NIPBL: variants seen among roughly 807,000 people sequenced by gnomAD.
The protein encoded by NIPBL is nipped-B-like protein.
In NIPBL, 19 loss-of-function variants were observed where a neutral mutation model predicts 321.8. The ratio of observed to expected loss-of-function variants is 0.06; its 90% CI spans 0.04 to 0.09. The LOEUF is 0.09. NIPBL is among the 10% of genes least tolerant of loss of function. The pLI is 1.00. For missense variants in NIPBL, 2,210 were observed against 3,327.0 expected (o/e 0.66, Z 8.26); for synonymous variants, 1,106 against 1,114.1 (o/e 0.99, Z 0.14).
intron 1 of NIPBL, among the ~76,000 whole-genome samples, chr5:36,904,875 C>G (rs1308577902): frequency 6.6e-6 from 1 of 152,172 alleles, no homozygotes; most frequent in Non-Finnish European, 1.5e-5. Flanking sequence ...GTAACCTAAT[C>G]TCAGAAGTGA....
At chr5:37,018,717 C>T (rs1749276602) in intron 24 of NIPBL, among the ~76,000 whole-genome samples, 1 of 152,176 alleles carries the variant, frequency 6.6e-6, no homozygotes, top group Admixed American at 6.5e-5. Flanking sequence ...GCTCTCAACA[C>T]ATATTTCCAA....
chr5:37,037,775 C>T (rs1751876961), intron 33 of NIPBL, among the ~76,000 whole-genome samples: 1 of 151,232 alleles, frequency 6.6e-6, no homozygotes. Context: ...AAATTTGTTT[C>T]CTAAGAACCA....
chr5:36,967,511 C>T (rs1725665947), intron 6 of NIPBL, among the ~76,000 whole-genome samples: 2 of 152,018 alleles, frequency 1.3e-5, no homozygotes, highest in African/African-American at 4.8e-5. Context: ...AACAGCAACA[C>T]TTTCTTAACT....
At chr5:36,927,925 A>T (rs1291657953) in intron 1 of NIPBL, among the ~76,000 whole-genome samples, 3 of 152,034 alleles carry the variant, frequency 2.0e-5, no homozygotes, top group Admixed American at 2.0e-4. Flanking sequence ...GCCTCAGGTG[A>T]TCCACCTGCC....
chr5:36,915,820 T>A (rs1318642269), intron 1 of NIPBL, among the ~76,000 whole-genome samples: 1 of 152,156 alleles, frequency 6.6e-6, no homozygotes, highest in African/African-American at 2.4e-5. Context: ...TGACTTCATC[T>A]TTTGTGAAAG....
chr5:36,982,215 G>T lies in NIPBL; in HGVS notation c.1496-2461G>T, dbSNP rs377006011. 20 of 981,506 alleles carry T rather than the reference G, an allele frequency of 2.0e-5. No individual in the cohort carries two copies. The African/African-American group carries it at 3.1e-4, about 15-fold the overall frequency. The allele number at this position is 981,506 out of a possible 1,614,324, so 60.8% of individuals were successfully genotyped here. A position where few individuals can be genotyped will look rare whatever the true frequency, so the allele number is the denominator to read the frequency against. The stretch of plus-strand genomic sequence containing the variant: ...CTTATGGTTCCCAGTGCTGAAGAGG[G>T]CTTACAGGTAATCACTGTCCTAAAT... On this transcript the variant is annotated intron_variant, in intron 9 of 46. Coordinates refer to ENST00000282516, the MANE Select transcript of NIPBL (RefSeq NM_133433.4).
intron 8 of NIPBL, 71 bp from the exon 9 acceptor site, chr5:36,975,705 A>G: frequency 7.2e-7 from 1 of 1,386,032 alleles, no homozygotes. Context: ...GTCACTTATT[A>G]ATATTTCTAT....
In NIPBL at chr5:37,052,659, T is replaced by C. The variant is rs571526481; in HGVS notation, c.7263+93T>C. On this transcript the variant is annotated intron_variant, in intron 42 of 46. Transcript: ENST00000282516. ...TTTTTAAATATTACCATTTTATTAGTATATGATAGTAACTTCATTAAGTGT... is the reference window on the plus strand; with the variant it reads ...TTTTTAAATATTACCATTTTATTAGCATATGATAGTAACTTCATTAAGTGT... 2.8e-5 allele frequency: 25 copies of C among 900,872 alleles called. 1 individual carries two copies. The highest frequency in any genetic ancestry group is 2.4e-4 in the South Asian group (16 of 67,346). The allele number at this position is 900,872 out of a possible 1,614,324, so 55.8% of individuals were successfully genotyped here. A position where few individuals can be genotyped will look rare whatever the true frequency, so the allele number is the denominator to read the frequency against.
At chr5:37,030,012 T>G (rs1750778612) in intron 32 of NIPBL, among the ~76,000 whole-genome samples, 1 of 152,194 alleles carries the variant, frequency 6.6e-6, no homozygotes, top group African/African-American at 2.4e-5. Flanking sequence ...ATCATATATT[T>G]CATTTGATAG....
chr5:36,901,613 G>T (rs879540517), intron 1 of NIPBL, among the ~76,000 whole-genome samples: 2 of 145,162 alleles, frequency 1.4e-5, no homozygotes, highest in Non-Finnish European at 3.0e-5. Context: ...AGGTTCAAGT[G>T]ATTGTCCTGC....
At chr5:36,976,834 G>A (rs1195719788) in intron 9 of NIPBL, among the ~76,000 whole-genome samples, 3 of 152,016 alleles carry the variant, frequency 2.0e-5, no homozygotes, top group Admixed American at 6.6e-5. Context: ...ATGCTTATTA[G>A]GCAGTTAGAT....
intron 1 of NIPBL, among the ~76,000 whole-genome samples, chr5:36,882,749 A>G (rs1157029599): frequency 6.6e-6 from 1 of 151,960 alleles, no homozygotes; most frequent in African/African-American, 2.4e-5. Context: ...CAAAATTTAT[A>G]ATACAATTTT....
intron 3 of NIPBL, among the ~76,000 whole-genome samples, chr5:36,956,926 C>T (rs891632599): frequency 6.6e-6 from 1 of 151,766 alleles, no homozygotes; most frequent in African/African-American, 2.4e-5. Context: ...TGCCCAGCCT[C>T]TAAATCACTT....
chr5:36,952,051 TGTGCGCGCGC>T (rs1488597575), intron 1 of NIPBL, among the ~76,000 whole-genome samples: 48 of 102,892 alleles, frequency 4.7e-4, no homozygotes, highest in Non-Finnish European at 4.8e-4. Flanking sequence ...TGTGTGTGTG[TGTGCGCGCGC>T]GCGCGCGCGC....
At chr5:36,917,473 G>T (rs1748558967) in intron 1 of NIPBL, among the ~76,000 whole-genome samples, 1 of 152,112 alleles carries the variant, frequency 6.6e-6, no homozygotes. Flanking sequence ...CTTTTGCTGT[G>T]CAGAAGCTCT....
chr5:36,972,987 A>G (rs572297036), intron 8 of NIPBL, among the ~76,000 whole-genome samples: 1 of 152,276 alleles, frequency 6.6e-6, no homozygotes, highest in East Asian at 1.9e-4. Flanking sequence ...ATTTCAGTTT[A>G]TCTTTGAATT....
At position 37,031,186 on chromosome 5, in the gene NIPBL, A is replaced by G. The variant is rs577673336; in HGVS notation, c.5862+3774A>G. ...TCTTTAGTAGAGACGGGGTTTCACCATGTTGGCCAGGCTGGTCTTGAACTC... is the reference window on the plus strand; with the variant it reads ...TCTTTAGTAGAGACGGGGTTTCACCGTGTTGGCCAGGCTGGTCTTGAACTC... On this transcript the variant is annotated intron_variant, in intron 32 of 46. Coordinates refer to ENST00000282516, the MANE Select transcript of NIPBL (RefSeq NM_133433.4). Among the ~76,000 whole-genome samples, 729 of 152,042 alleles carry G rather than the reference A, an allele frequency of 4.8e-3. 4 individuals are homozygous for G. Among genetic ancestry groups the G allele is most frequent in the Non-Finnish European group, 7.5e-3 (510 of 67,964 alleles).
At chr5:36,924,552 ATTGTC>A (rs1749206032) in intron 1 of NIPBL, among the ~76,000 whole-genome samples, 1 of 152,140 alleles carries the variant, frequency 6.6e-6, no homozygotes, top group African/African-American at 2.4e-5. Context: ...GGAACACTGT[ATTGTC>A]TTGTGTATAG....
At chr5:36,928,667 G>T (rs1296715235) in intron 1 of NIPBL, among the ~76,000 whole-genome samples, 1 of 152,064 alleles carries the variant, frequency 6.6e-6, no homozygotes. Flanking sequence ...AAGCCTATTT[G>T]CAGTGAGTTC....
Sources: gnomAD v4.1 joint callset for allele counts (sites outside exome capture counted in the v4.1 genomes callset) on GRCh38, gnomAD v4.1.1 for gene constraint, MANE v1.5 for transcripts, NCBI Gene and HGNC (gene_info 2026-07-23, HGNC 2026-07-21) for gene names.